Variants in POPDC1 observed in about 807,000 individuals in gnomAD.
POPDC1 encodes popeye domain-containing protein 1.
chr6:105,115,696 C>T, the POPDC1 span: 1 of 1,614,050 alleles, frequency 6.2e-7, no homozygotes, highest in African/African-American at 1.3e-5. Context: ...GAAGAGAGGA[C>T]ATGCTGGAGG....
the POPDC1 span, chr6:105,099,571 G>C: frequency 1.3e-5 from 2 of 152,324 alleles, no homozygotes; most frequent in South Asian, 4.1e-4. Flanking sequence ...ACGCTGGCCA[G>C]ACACACTGAC....
At chr6:105,134,583 A>G in the POPDC1 span, among the ~76,000 whole-genome samples, 1 of 152,150 alleles carries the variant, frequency 6.6e-6, no homozygotes. Context: ...AGGTCATGCA[A>G]TTAATCTTAC....
the POPDC1 span, chr6:105,136,320 C>A: frequency 6.6e-6 from 1 of 152,270 alleles, no homozygotes; most frequent in Non-Finnish European, 1.5e-5. Flanking sequence ...GTGGCGCGGA[C>A]CTCGGGTCCC....
At chr6:105,109,682 T>C in the POPDC1 span, among the ~76,000 whole-genome samples, 6,209 of 144,496 alleles carry the variant, frequency 0.043, 166 homozygotes, top group Middle Eastern at 0.077. Flanking sequence ...GAGGACATCT[T>C]GAGCCTGGGA....
At chr6:105,122,818 G>C in the POPDC1 span, among the ~76,000 whole-genome samples, 1 of 152,226 alleles carries the variant, frequency 6.6e-6, no homozygotes, top group Non-Finnish European at 1.5e-5. Flanking sequence ...AGGTGAGAGT[G>C]TAAAGACAGG....
the POPDC1 span, chr6:105,100,117 G>A: frequency 7.2e-5 from 11 of 152,110 alleles, no homozygotes; most frequent in African/African-American, 1.2e-4. Flanking sequence ...TCCACACAGT[G>A]CCCAATTAAG....
At chr6:105,097,790 T>C in the POPDC1 span, 3 of 152,140 alleles carry the variant, frequency 2.0e-5, no homozygotes, top group East Asian at 1.9e-4. Flanking sequence ...TGTCCAATGA[T>C]TAAAATGAAA....
chr6:105,105,180 C>A, the POPDC1 span, among the ~76,000 whole-genome samples: 9 of 149,470 alleles, frequency 6.0e-5, no homozygotes, highest in Non-Finnish European at 1.5e-5. Context: ...AATCTGCAAT[C>A]CCCCCCCAAC....
chr6:105,098,579 TAA>T, the POPDC1 span: 1 of 152,196 alleles, frequency 6.6e-6, no homozygotes, highest in Non-Finnish European at 1.5e-5. Flanking sequence ...ATGTTACATC[TAA>T]TGACTGTATA....
the POPDC1 span, among the ~76,000 whole-genome samples, chr6:105,119,259 G>T: frequency 6.6e-6 from 1 of 151,362 alleles, no homozygotes; most frequent in Non-Finnish European, 1.5e-5. Context: ...TTCCCACCAG[G>T]TCAAAATCTA....
chr6:105,124,404 AAAAAG>A, the POPDC1 span: 2 of 581,118 alleles, frequency 3.4e-6, no homozygotes, highest in South Asian at 2.2e-5. Flanking sequence ...AAAAAAAAAA[AAAAAG>A]AGACAATACT....
At chr6:105,104,179 C>T in the POPDC1 span, among the ~76,000 whole-genome samples, 1 of 152,028 alleles carries the variant, frequency 6.6e-6, no homozygotes, top group African/African-American at 2.4e-5. Flanking sequence ...CCACTCCCAT[C>T]TCTAACCACC....
the POPDC1 span, chr6:105,136,800 C>G: frequency 1.3e-5 from 2 of 152,178 alleles, no homozygotes; most frequent in Non-Finnish European, 2.9e-5. Context: ...GGGCGGCGCC[C>G]CCGGCTGCCC....
At chr6:105,105,050 G>C in the POPDC1 span, among the ~76,000 whole-genome samples, 3 of 152,234 alleles carry the variant, frequency 2.0e-5, no homozygotes, top group East Asian at 5.8e-4. Context: ...TTCTTACCAG[G>C]GTGTGAACCA....
the POPDC1 span, among the ~76,000 whole-genome samples, chr6:105,124,385 CAAAAAAAAAAA>C: frequency 2.4e-5 from 2 of 81,776 alleles, no homozygotes; most frequent in Admixed American, 1.5e-4. Flanking sequence ...CCGTCTCAAA[CAAAAAAAAAAA>C]AAAAAAAAAA....
chr6:105,106,458 C>G, the POPDC1 span, among the ~76,000 whole-genome samples: 73 of 152,316 alleles, frequency 4.8e-4, no homozygotes, highest in African/African-American at 1.7e-3. Flanking sequence ...TGAGCACATG[C>G]GGAAGACTGG....
chr6:105,127,656 G>A, the POPDC1 span, among the ~76,000 whole-genome samples: 1 of 151,942 alleles, frequency 6.6e-6, no homozygotes, highest in Admixed American at 6.6e-5. Flanking sequence ...GGCTGGTCTC[G>A]AACTCCTGGG....
chr6:105,124,656 C>T, the POPDC1 span: 2 of 1,566,500 alleles, frequency 1.3e-6, no homozygotes, highest in South Asian at 2.3e-5. Context: ...GACCTTCATT[C>T]TGATAACAGA....
At chr6:105,129,848 A>C in the POPDC1 span, among the ~76,000 whole-genome samples, 1 of 152,154 alleles carries the variant, frequency 6.6e-6, no homozygotes, top group Non-Finnish European at 1.5e-5. Flanking sequence ...AAAATGTATG[A>C]ATTGTTTATT....
Sources: gnomAD v4.1 joint callset for allele counts (sites outside exome capture counted in the v4.1 genomes callset) on GRCh38, gnomAD v4.1.1 for gene constraint, MANE v1.5 for transcripts, NCBI Gene and HGNC (gene_info 2026-07-23, HGNC 2026-07-21) for gene names.